Variants in UPF3B observed in about 807,000 individuals in gnomAD.
UPF3B encodes the protein UPF3B regulator of nonsense mediated mRNA decay.
In UPF3B, 7 loss-of-function variants were observed where a neutral mutation model predicts 40.3. That is an observed-to-expected ratio of 0.17 (90% CI 0.10 to 0.33). UPF3B has a LOEUF of 0.33. Among genes scored for constraint, UPF3B ranks in the 10% least tolerant of loss-of-function variants. The probability of loss-of-function intolerance (pLI) is 1.00; values close to 1 mark genes in which losing one functional copy is unlikely to be tolerated. For missense variants in UPF3B, 229 were observed against 358.9 expected (o/e 0.64, Z 2.93); for synonymous variants, 117 against 117.3 (o/e 1.00, Z 0.01).
At chrX:119,812,309 A>T (rs760546087) in intron 5 of UPF3B, among the ~76,000 whole-genome samples, 1 of 111,823 alleles carries the variant, frequency 8.9e-6, no homozygotes, top group South Asian at 3.7e-4. Context: ...ATTCTTTCTG[A>T]TAATTACATA....
At chrX:119,823,778 G>A (rs2055950464) in intron 3 of UPF3B, among the ~76,000 whole-genome samples, 1 of 109,998 alleles carries the variant, frequency 9.1e-6, no homozygotes, top group Non-Finnish European at 1.9e-5. Flanking sequence ...TTTTCAGGCT[G>A]ATCTCACACT....
At chrX:119,815,340 C>A in intron 4 of UPF3B, 2 of 659,185 alleles carry the variant, frequency 3.0e-6, no homozygotes, top group African/African-American at 2.4e-5. Context: ...ACTGTTACAA[C>A]AATGCTGCTA....
chrX:119,818,525 A>G, intron 4 of UPF3B, among the ~76,000 whole-genome samples: 1 of 111,883 alleles, frequency 8.9e-6, no homozygotes, highest in African/African-American at 3.2e-5. Flanking sequence ...GGTTGCAGTG[A>G]GCCAAGATTG....
intron 9 of UPF3B, 109 bp downstream of exon 9, chrX:119,838,258 C>T (rs1184079001): frequency 1.0e-6 from 1 of 967,603 alleles, no homozygotes; most frequent in East Asian, 3.1e-5. Flanking sequence ...CCTCCTCATC[C>T]CCCTGCCCTG....
intron 5 of UPF3B, among the ~76,000 whole-genome samples, chrX:119,810,655 T>C (rs777842788): frequency 8.9e-6 from 1 of 111,892 alleles, no homozygotes; most frequent in East Asian, 2.8e-4. Context: ...CAGAGAGTCC[T>C]TTTCTATCAC....
At chrX:119,807,989 C>T (rs922620320) in intron 5 of UPF3B, among the ~76,000 whole-genome samples, 7 of 111,299 alleles carry the variant, frequency 6.3e-5, no homozygotes, top group African/African-American at 2.3e-4. Flanking sequence ...GAGAGGGGGT[C>T]TCCCTATGTT....
chrX:119,845,145 T>C, intron 4 of UPF3B, 53 bp downstream of exon 4: 1 of 1,031,197 alleles, frequency 9.7e-7, no homozygotes, highest in Admixed American at 2.2e-5. Flanking sequence ...ACAAAGATAT[T>C]ATTTTTAAAA....
Position 119,834,794 on chromosome X carries a change from T to C in UPF3B, c.*84A>G. 1 of 1,209,077 alleles carries C rather than the reference T, an allele frequency of 8.3e-7. No individual in the cohort carries two copies. The highest frequency in any genetic ancestry group is 1.1e-6 in the Non-Finnish European group (1 of 895,381). On this transcript the variant is annotated 3_prime_UTR_variant, in exon 11 of 11. Transcript: ENST00000276201. ...CAGCGGCTCCCTTTCTCTCTATTCTTTGCCCTGAAGGCACCTCTGGATTGC... is the reference window on the plus strand; with the variant it reads ...CAGCGGCTCCCTTTCTCTCTATTCTCTGCCCTGAAGGCACCTCTGGATTGC...
intron 3 of UPF3B, among the ~76,000 whole-genome samples, chrX:119,828,622 C>T (rs1332373345): frequency 9.3e-6 from 1 of 107,707 alleles, no homozygotes; most frequent in Non-Finnish European, 1.9e-5. Context: ...CAGTGAGCCG[C>T]GACTGTGCCA....
chrX:119,805,749 C>T (rs2055785138), intron 6 of UPF3B, among the ~76,000 whole-genome samples: 1 of 107,039 alleles, frequency 9.3e-6, no homozygotes, highest in East Asian at 2.9e-4. Context: ...TCATCCCTGG[C>T]CATCAGAGAA....
At chrX:119,818,038 G>A (rs770481802) in intron 4 of UPF3B, among the ~76,000 whole-genome samples, 6 of 111,269 alleles carry the variant, frequency 5.4e-5, no homozygotes, top group South Asian at 3.8e-4. Context: ...AGGCCGAGGC[G>A]GGTGGATCAC....
downstream of UPF3B, chrX:119,831,557 G>C (rs766879281): frequency 1.1e-5 from 3 of 280,455 alleles, no homozygotes; most frequent in Non-Finnish European, 1.4e-5. Context: ...GACCTCATGC[G>C]ATCTGCCCGC....
intron 4 of UPF3B, among the ~76,000 whole-genome samples, chrX:119,818,367 C>T (rs1397264329): frequency 1.8e-5 from 2 of 111,877 alleles, no homozygotes; most frequent in East Asian, 5.6e-4. Flanking sequence ...GAGGCCAAGG[C>T]GGGCGGGTCA....
At chrX:119,844,042 A>ATTTC (rs780080488) in intron 4 of UPF3B, among the ~76,000 whole-genome samples, 1 of 110,682 alleles carries the variant, frequency 9.0e-6, no homozygotes, top group East Asian at 2.8e-4. Context: ...CAGTTCTTGT[A>ATTTC]TTTCTTTCTT....
intron 3 of UPF3B, among the ~76,000 whole-genome samples, chrX:119,849,234 C>T (rs1296774276): frequency 1.8e-5 from 2 of 111,826 alleles, no homozygotes; most frequent in Non-Finnish European, 3.8e-5. Flanking sequence ...TGGCTCACGC[C>T]TGTAATCCCA....
At chrX:119,830,148 G>A (rs2056021478), downstream of UPF3B, among the ~76,000 whole-genome samples, 1 of 111,599 alleles carries the variant, frequency 9.0e-6, no homozygotes, top group South Asian at 3.7e-4. Context: ...TGTTAGGAAG[G>A]GCTGGCAGAA....
At chrX:119,836,714 G>A (rs1449364819) in intron 10 of UPF3B, among the ~76,000 whole-genome samples, 3 of 106,057 alleles carry the variant, frequency 2.8e-5, no homozygotes, top group Non-Finnish European at 3.9e-5. Context: ...GCAGTGACGC[G>A]ATCTCGGCTC....
intron 10 of UPF3B, 81 bp downstream of exon 10, chrX:119,837,676 A>G: frequency 9.7e-7 from 1 of 1,034,341 alleles, no homozygotes; most frequent in Non-Finnish European, 1.3e-6. Context: ...ATTCTATAAT[A>G]ACAGTGCCCT....
At chrX:119,845,772 T>G (rs2056220624) in intron 3 of UPF3B, among the ~76,000 whole-genome samples, 1 of 110,750 alleles carries the variant, frequency 9.0e-6, no homozygotes, top group Non-Finnish European at 1.9e-5. Flanking sequence ...CTCATAAGCC[T>G]ATGAATATAC....
Sources: gnomAD v4.1 joint callset for allele counts (sites outside exome capture counted in the v4.1 genomes callset) on GRCh38, gnomAD v4.1.1 for gene constraint, MANE v1.5 for transcripts, NCBI Gene and HGNC (gene_info 2026-07-23, HGNC 2026-07-21) for gene names.